The following TMTC1 variants were observed in gnomAD, a reference collection of about 807,000 sequenced individuals.
TMTC1 encodes the protein protein O-mannosyl-transferase TMTC1.
In TMTC1, 73 loss-of-function variants were observed where a neutral mutation model predicts 104.8. The observed-to-expected ratio is 0.70, with a 90% CI of 0.58 to 0.85. TMTC1 has a LOEUF of 0.85. TMTC1 is among the 40% of genes least tolerant of loss of function. TMTC1 has a pLI of 0.00. For missense variants in TMTC1, 1,035 were observed against 1,096.1 expected (o/e 0.94, Z 0.79); for synonymous variants, 434 against 428.7 (o/e 1.01, Z -0.15).
chr12:29,778,560 A>C (rs1943763807), intron 1 of TMTC1, among the ~76,000 whole-genome samples: 1 of 152,248 alleles, frequency 6.6e-6, no homozygotes, highest in South Asian at 2.1e-4. Context: ...GAAGCAAAAA[A>C]AAAATGTTAT....
At chr12:29,662,378 G>A (rs1361870485) in intron 5 of TMTC1, among the ~76,000 whole-genome samples, 4 of 152,184 alleles carry the variant, frequency 2.6e-5, no homozygotes, top group African/African-American at 9.7e-5. Flanking sequence ...ATGGCCAGGT[G>A]AGGTGGCTCA....
chr12:29,667,224 A>C (rs1391629966), intron 5 of TMTC1, among the ~76,000 whole-genome samples: 1 of 152,228 alleles, frequency 6.6e-6, no homozygotes, highest in Non-Finnish European at 1.5e-5. Context: ...AGGCAAAGGC[A>C]TTCCATGGAG....
chr12:29,598,640 A>T (rs915711946), intron 7 of TMTC1, among the ~76,000 whole-genome samples: 2 of 152,054 alleles, frequency 1.3e-5, no homozygotes, highest in Non-Finnish European at 2.9e-5. Context: ...TATAGCTTTC[A>T]GTGTAGAGAT....
chr12:29,738,160 C>T (rs901714048), intron 5 of TMTC1, among the ~76,000 whole-genome samples: 1 of 152,024 alleles, frequency 6.6e-6, no homozygotes, highest in Admixed American at 6.6e-5. Flanking sequence ...TTTTATAGAC[C>T]TGGAAATCAG....
Position 29,758,881 on chromosome 12 carries a change from GATATA to G in TMTC1, c.481-109_481-105del, listed in dbSNP as rs1943277819. ...TGTATTTGTTGTTAGATAAATGGAAGATATAATAAAATAGAAATCTCACTGTTCTT... is the reference window on the plus strand; with the variant it reads ...TGTATTTGTTGTTAGATAAATGGAAGATAAAATAGAAATCTCACTGTTCTT... On this transcript the variant is annotated intron_variant, in intron 2 of 17. Transcript: ENST00000539277. 1.7e-5 allele frequency: 17 copies of G among 993,396 alleles called. No individual in the cohort carries two copies. In the South Asian group the frequency reaches 3.0e-4, roughly 18 times the overall value. The allele number at this position is 993,396 out of a possible 1,614,324, so 61.5% of individuals were successfully genotyped here. A position where few individuals can be genotyped will look rare whatever the true frequency, so the allele number is the denominator to read the frequency against.
At chr12:29,677,008 A>G (rs1232942945) in intron 5 of TMTC1, among the ~76,000 whole-genome samples, 1 of 152,226 alleles carries the variant, frequency 6.6e-6, no homozygotes, top group African/African-American at 2.4e-5. Flanking sequence ...ACAAGGTCCA[A>G]GTCTGGTCCT....
chr12:29,507,138 A>G (rs1943715508), intron 17 of TMTC1, 152 bp from the exon 18 acceptor site: 1 of 670,792 alleles, frequency 1.5e-6, no homozygotes, highest in African/African-American at 1.8e-5. Flanking sequence ...ATCCTTGTCT[A>G]TTGGTGCTTT....
chr12:29,513,321 C>CATAT (rs35723373), intron 16 of TMTC1, among the ~76,000 whole-genome samples: 1 of 148,732 alleles, frequency 6.7e-6, no homozygotes, highest in African/African-American at 2.5e-5. Context: ...AATCAATGGC[C>CATAT]ATATATATAT....
intron 6 of TMTC1, 111 bp from the exon 7 acceptor site, chr12:29,604,410 G>T: frequency 1.4e-6 from 2 of 1,448,948 alleles, no homozygotes; most frequent in South Asian, 1.2e-5. Context: ...GAATAAATTA[G>T]ACCAATATAA....
chr12:29,599,946 GTATATATATGTGTA>G (rs1270385182), intron 7 of TMTC1, among the ~76,000 whole-genome samples: 14 of 145,324 alleles, frequency 9.6e-5, no homozygotes, highest in African/African-American at 3.6e-4. Context: ...ATATGTGTGT[GTATATATATGTGTA>G]TATATATATG....
chr12:29,686,101 G>A (rs1410511304), intron 5 of TMTC1, among the ~76,000 whole-genome samples: 1 of 152,064 alleles, frequency 6.6e-6, no homozygotes, highest in African/African-American at 2.4e-5. Flanking sequence ...AACCAATCCA[G>A]TATCCTAATA....
At chr12:29,545,786 C>T (rs968400392) in intron 10 of TMTC1, among the ~76,000 whole-genome samples, 1 of 152,034 alleles carries the variant, frequency 6.6e-6, no homozygotes, top group Non-Finnish European at 1.5e-5. Context: ...TACCAAGGAC[C>T]TGAGTTTCAA....
intron 7 of TMTC1, among the ~76,000 whole-genome samples, chr12:29,590,355 C>T (rs960112147): frequency 6.6e-6 from 1 of 152,210 alleles, no homozygotes; most frequent in Non-Finnish European, 1.5e-5. Context: ...AATAACACCA[C>T]ACAAGACACT....
intron 1 of TMTC1, among the ~76,000 whole-genome samples, chr12:29,768,891 A>G (rs183085814): frequency 6.1e-4 from 93 of 152,326 alleles, no homozygotes; most frequent in Non-Finnish European, 1.1e-3. Context: ...CTTAAATTTA[A>G]TAACAGGACA....
At chr12:29,682,993 C>A (rs914440407) in intron 5 of TMTC1, among the ~76,000 whole-genome samples, 4 of 152,072 alleles carry the variant, frequency 2.6e-5, no homozygotes, top group Non-Finnish European at 5.9e-5. Context: ...TCTCTCTCTA[C>A]TATTTCTAGA....
chr12:29,771,646 G>A (rs1362401709), intron 1 of TMTC1, among the ~76,000 whole-genome samples: 2 of 152,138 alleles, frequency 1.3e-5, no homozygotes, highest in Non-Finnish European at 2.9e-5. Flanking sequence ...CTTACCAGGT[G>A]CAGACATGGG....
chr12:29,523,998 G>A (rs1395532036), intron 11 of TMTC1, among the ~76,000 whole-genome samples: 1 of 152,010 alleles, frequency 6.6e-6, no homozygotes, highest in East Asian at 1.9e-4. Context: ...GTGACCATTA[G>A]GCTTTTAACG....
intron 11 of TMTC1, among the ~76,000 whole-genome samples, chr12:29,524,957 T>G (rs929623068): frequency 6.6e-6 from 1 of 152,078 alleles, no homozygotes; most frequent in Non-Finnish European, 1.5e-5. Flanking sequence ...AGCAGAAAAG[T>G]CTTGATCTGT....
At chr12:29,597,616 C>T (rs1946445897) in intron 7 of TMTC1, among the ~76,000 whole-genome samples, 1 of 136,996 alleles carries the variant, frequency 7.3e-6, no homozygotes, top group East Asian at 2.2e-4. Flanking sequence ...GGCAGACACG[C>T]CATAAAATGT....
Sources: allele counts gnomAD v4.1 joint callset (sites outside exome capture counted in the v4.1 genomes callset), GRCh38; gene constraint gnomAD v4.1.1; transcripts MANE v1.5; gene names NCBI Gene and HGNC (gene_info 2026-07-23, HGNC 2026-07-21).